ZNF184: variants seen among roughly 807,000 people sequenced by gnomAD.
ZNF184 encodes zinc finger protein 184.
A neutral mutation model predicts 54.4 loss-of-function variants in ZNF184; 16 were observed. That is an observed-to-expected ratio of 0.29 (90% CI 0.20 to 0.45). The LOEUF is 0.45. Ranked by LOEUF, ZNF184 falls within the 20% of genes least tolerant of loss-of-function variation. The probability of loss-of-function intolerance (pLI) is 1.00; values close to 1 mark genes in which losing one functional copy is unlikely to be tolerated. For synonymous variants in ZNF184, 254 were observed against 295.3 expected (o/e 0.86, Z 1.43); for missense variants, 681 against 888.2 (o/e 0.77, Z 2.97).
At chr6:27,458,231 A>G (rs1762908905) in intron 3 of ZNF184, among the ~76,000 whole-genome samples, 1 of 151,420 alleles carries the variant, frequency 6.6e-6, no homozygotes, top group Non-Finnish European at 1.5e-5. Flanking sequence ...ATATAACCAC[A>G]TAACAATGTA....
At chr6:27,423,972 T>C in the ZNF184 span, among the ~76,000 whole-genome samples, 1 of 152,216 alleles carries the variant, frequency 6.6e-6, no homozygotes, top group South Asian at 2.1e-4. Flanking sequence ...TTATTAGTTG[T>C]TGTGTCTGGA....
the ZNF184 span, among the ~76,000 whole-genome samples, chr6:27,439,014 T>C: frequency 6.6e-6 from 1 of 152,196 alleles, no homozygotes; most frequent in Non-Finnish European, 1.5e-5. Context: ...CTTCGTTATT[T>C]CATATTGAAG....
chr6:27,404,645 A>G, the ZNF184 span: 6 of 152,246 alleles, frequency 3.9e-5, no homozygotes, highest in Admixed American at 3.9e-4. Flanking sequence ...CCTATTAACT[A>G]GTGACATCAT....
At chr6:27,437,203 C>G in the ZNF184 span, among the ~76,000 whole-genome samples, 1 of 152,170 alleles carries the variant, frequency 6.6e-6, no homozygotes, top group Non-Finnish European at 1.5e-5. Flanking sequence ...ATTAAGATTA[C>G]TCATCAGTTG....
At chr6:27,406,524 C>G in the ZNF184 span, 1 of 152,246 alleles carries the variant, frequency 6.6e-6, no homozygotes, top group Non-Finnish European at 1.5e-5. Context: ...AGCCGGGCAC[C>G]TTGGCCAGTT....
At chr6:27,465,159 T>C (rs1763096888) in intron 3 of ZNF184, among the ~76,000 whole-genome samples, 1 of 75,206 alleles carries the variant, frequency 1.3e-5, no homozygotes, top group African/African-American at 5.3e-5. Flanking sequence ...AAAGTTCTGT[T>C]ATTTAAAAAA....
the ZNF184 span, among the ~76,000 whole-genome samples, chr6:27,415,379 C>T: frequency 6.6e-6 from 1 of 152,054 alleles, no homozygotes; most frequent in East Asian, 1.9e-4. Flanking sequence ...AGAAAACCTT[C>T]TGTAATTATA....
chr6:27,439,072 A>C, the ZNF184 span, among the ~76,000 whole-genome samples: 1 of 152,226 alleles, frequency 6.6e-6, no homozygotes, highest in African/African-American at 2.4e-5. Flanking sequence ...GCAGATCAGC[A>C]GCATCACCAA....
At chr6:27,461,324 T>A (rs1762990169) in intron 3 of ZNF184, among the ~76,000 whole-genome samples, 1 of 152,218 alleles carries the variant, frequency 6.6e-6, no homozygotes. Context: ...ATGAATACCC[T>A]TTTCCTTCTG....
intron 4 of ZNF184, 33 bp from the exon 5 acceptor site, chr6:27,456,954 C>A: frequency 6.4e-7 from 1 of 1,566,528 alleles, no homozygotes; most frequent in Non-Finnish European, 8.8e-7. Flanking sequence ...AAGAAACCTG[C>A]AGTAAGGGGA....
chr6:27,408,415 C>T, the ZNF184 span, among the ~76,000 whole-genome samples: 3 of 152,162 alleles, frequency 2.0e-5, no homozygotes, highest in African/African-American at 7.2e-5. Context: ...AATATTTGCC[C>T]TGGTGGTTCC....
chr6:27,463,617 A>T (rs936580388), intron 3 of ZNF184, among the ~76,000 whole-genome samples: 2 of 152,100 alleles, frequency 1.3e-5, no homozygotes, highest in Non-Finnish European at 2.9e-5. Flanking sequence ...CCACAAAAAA[A>T]TTGCACCAAA....
chr6:27,422,974 C>T, the ZNF184 span, among the ~76,000 whole-genome samples: 1 of 152,154 alleles, frequency 6.6e-6, no homozygotes, highest in Non-Finnish European at 1.5e-5. Flanking sequence ...CAGGCAAGGG[C>T]GCGCAGAGAC....
chr6:27,456,741 C>A (rs933525322), intron 5 of ZNF184, 85 bp downstream of exon 5: 40 of 1,156,610 alleles, frequency 3.5e-5, no homozygotes, highest in Non-Finnish European at 4.5e-5. Flanking sequence ...GAAGAAAGTA[C>A]ATCTACACTT....
the ZNF184 span, chr6:27,407,554 C>A: frequency 2.2e-6 from 1 of 456,954 alleles, no homozygotes; most frequent in Non-Finnish European, 4.0e-6. Context: ...GTCAGCAGGA[C>A]AATTATACCT....
chr6:27,450,502 G>A (rs1207674302), downstream of ZNF184, among the ~76,000 whole-genome samples: 1 of 152,060 alleles, frequency 6.6e-6, no homozygotes, highest in Non-Finnish European at 1.5e-5. Context: ...TCTGCAAACG[G>A]AAATGGGCCT....
the ZNF184 span, among the ~76,000 whole-genome samples, chr6:27,436,017 C>T: frequency 6.6e-5 from 10 of 151,280 alleles, no homozygotes; most frequent in South Asian, 2.1e-3. Flanking sequence ...ATAGTGGGCC[C>T]AAGTAAGCAT....
chr6:27,454,187 C>G (rs1762799528), intron 5 of ZNF184, among the ~76,000 whole-genome samples: 1 of 152,128 alleles, frequency 6.6e-6, no homozygotes, highest in Non-Finnish European at 1.5e-5. Context: ...TCTTAAAGAA[C>G]AGATTCAATG....
At chr6:27,423,249 A>C in the ZNF184 span, among the ~76,000 whole-genome samples, 1 of 152,158 alleles carries the variant, frequency 6.6e-6, no homozygotes, top group African/African-American at 2.4e-5. Context: ...CTTTCACCCT[A>C]AGAATCTAAA....
Sources: allele counts gnomAD v4.1 joint callset (sites outside exome capture counted in the v4.1 genomes callset), GRCh38; gene constraint gnomAD v4.1.1; transcripts MANE v1.5; gene names NCBI Gene and HGNC (gene_info 2026-07-23, HGNC 2026-07-21).